Variants in REXO1 observed in about 807,000 individuals in gnomAD.
REXO1 encodes RNA exonuclease 1 homolog, also known as REX1, RNA exonuclease 1 homolog.
A neutral mutation model predicts 102.6 loss-of-function variants in REXO1; 42 were observed. The ratio of observed to expected loss-of-function variants is 0.41; its 90% CI spans 0.32 to 0.53. The LOEUF is 0.53. Ranked by LOEUF, REXO1 falls within the 20% of genes least tolerant of loss-of-function variation. The probability of loss-of-function intolerance (pLI) is 0.27; values close to 1 mark genes in which losing one functional copy is unlikely to be tolerated. For synonymous variants in REXO1, 908 were observed against 779.1 expected (o/e 1.17, Z -2.76); for missense variants, 1,819 against 1,732.5 (o/e 1.05, Z -0.89).
chr19:1,833,115 C>T (rs1395599661), intron 1 of REXO1, among the ~76,000 whole-genome samples: 1 of 152,044 alleles, frequency 6.6e-6, no homozygotes, highest in Non-Finnish European at 1.5e-5. Flanking sequence ...GTCCCAGCTA[C>T]TTGGAAGGCT....
At chr19:1,821,446 G>A (rs1025866545) in intron 5 of REXO1, 73 bp downstream of exon 5, 29 of 1,582,712 alleles carry the variant, frequency 1.8e-5, no homozygotes, top group Non-Finnish European at 1.9e-5. Flanking sequence ...CTGGCCCTCC[G>A]CAGGTCCCAT....
rs1208759463 is a variant in REXO1, at chr19:1,817,744, G to A, written c.3053C>T (p.Ser1018Leu). 34 of 1,612,428 alleles carry A rather than the reference G, an allele frequency of 2.1e-5. No individual in the cohort carries two copies. Among genetic ancestry groups the A allele is most frequent in the South Asian group, 3.3e-5 (3 of 90,990 alleles). The change falls in exon 11 of 16, where the codon TCG (serine) becomes TTG (leucine). Residue 1018 changes from serine (S) to leucine (L), a missense_variant. Transcript: ENST00000170168. The stretch of plus-strand genomic sequence containing the variant: ...GCAGCCGACAGAGCCGGCGGCAGCC[G>A]AGCAGCACATGTACTGGGTCTCCCA... ...GGWETQYMCC[S>L]AAAGSVGCQV...
In REXO1 at chr19:1,848,345, G is replaced by A; in HGVS notation, c.14C>T (p.Thr5Ile). ...GCAGTCAATGGCCCGGAAGAAGCCA[G>A]TGGAGCGTAGCATGGTCCGTCCCGC... is the stretch of plus-strand genomic sequence containing the variant. MLRS[T>I]GFFRAIDCPY... Residue 5 changes from threonine to isoleucine, a missense_variant, in exon 1 of 16, where the codon ACT (threonine) becomes ATT (isoleucine). Transcript: ENST00000170168. 4 of 1,222,602 alleles carry A rather than the reference G, an allele frequency of 3.3e-6. No homozygotes were observed. Among genetic ancestry groups the A allele is most frequent in the Non-Finnish European group, 4.1e-6 (4 of 974,930 alleles). The allele number at this position is 1,222,602 out of a possible 1,614,324, so 75.7% of individuals were successfully genotyped here.
At position 1,817,214 on chromosome 19, in the gene REXO1, C is replaced by T; in HGVS notation, c.3201+5G>A. 6.2e-7 allele frequency: 1 copy of T among 1,612,072 alleles called. No homozygotes were observed. The highest frequency in any genetic ancestry group is 8.5e-7 in the Non-Finnish European group (1 of 1,179,970). ...AACCCGACGCTGGGCAGAGAACAGC[C>T]TCACCATCTCGCAGTCCAGGGCGTA... On this transcript the variant is annotated splice_donor_5th_base_variant and intron_variant, in intron 12 of 15. Coordinates refer to ENST00000170168, the MANE Select transcript of REXO1 (RefSeq NM_020695.4).
chr19:1,823,368 G>A (rs1248967367), intron 4 of REXO1: 1 of 400,284 alleles, frequency 2.5e-6, no homozygotes, highest in Non-Finnish European at 4.4e-6. Flanking sequence ...GGTCAGGGAA[G>A]GAAGGTGCTG....
intron 1 of REXO1, among the ~76,000 whole-genome samples, chr19:1,842,449 A>C (rs2145332600): frequency 6.6e-6 from 1 of 152,402 alleles, no homozygotes; most frequent in Non-Finnish European, 1.5e-5. Flanking sequence ...CCCAAGGTGC[A>C]GAACCGCCCT....
intron 1 of REXO1, among the ~76,000 whole-genome samples, chr19:1,836,226 AC>A (rs2070033028): frequency 1.3e-5 from 2 of 152,134 alleles, no homozygotes; most frequent in Non-Finnish European, 2.9e-5. Context: ...CCAACCCCAC[AC>A]GGAGACTGAA....
In REXO1 at chr19:1,816,710, T is replaced by C; in HGVS notation, c.3305A>G (p.Asp1102Gly). The C allele has an allele frequency of 6.2e-7, 1 of 1,612,128 alleles. No homozygotes were observed. The highest frequency in any genetic ancestry group is 8.5e-7 in the Non-Finnish European group (1 of 1,179,678). Residue 1102 changes from aspartate to glycine, a missense_variant, in exon 13 of 16, where the codon GAC becomes GGC. Physicochemically the swap from Asp to Gly is moderately conservative, Grantham distance 94 (BLOSUM62 -1). Transcript: ENST00000170168. ...TFVKPDNEIV[D>G]YNTRFSGVTE... The stretch of plus-strand genomic sequence containing the variant: ...GCACTGGCCACACCTGGTGTTGTAG[T>C]CCACGATCTCGTTGTCAGGCTTCAC...
chr19:1,836,575 G>A (rs984370942), intron 1 of REXO1, among the ~76,000 whole-genome samples: 2 of 152,008 alleles, frequency 1.3e-5, no homozygotes, highest in Non-Finnish European at 2.9e-5. Context: ...GTAAAACCCC[G>A]TCTCTACTAA....
intron 1 of REXO1, among the ~76,000 whole-genome samples, chr19:1,846,475 G>A (rs144583401): frequency 1.3e-5 from 2 of 152,344 alleles, no homozygotes; most frequent in Non-Finnish European, 2.9e-5. Flanking sequence ...GTAAGAGGCA[G>A]GCAGCTGCCT....
Position 1,828,066 on chromosome 19 carries a change from C to G in REXO1, c.723G>C (p.Ser241=). 1 of 1,613,184 alleles carries G rather than the reference C, an allele frequency of 6.2e-7. No individual in the cohort carries two copies. The highest frequency in any genetic ancestry group is 8.5e-7 in the Non-Finnish European group (1 of 1,179,834). Residue 241 remains serine, a synonymous_variant, in exon 2 of 16, where the codon TCG becomes TCC. Coordinates refer to ENST00000170168, the MANE Select transcript of REXO1 (RefSeq NM_020695.4). ...AGCTGGCCCTGCTGAGGTGCCGGGC[C>G]GAGTAGTTGGAGAGAGGGTCATACT... ...DLEYDPLSNY[S]ARHLSRASSR...
At position 1,826,371 on chromosome 19, in the gene REXO1, CCACGCTGGGA is replaced by C. The variant is rs1398815190; in HGVS notation, c.1912-438_1912-429del. On this transcript the variant is annotated intron_variant, in intron 2 of 15. Transcript: ENST00000170168. This position sits in a 1 kb window ranked among gnomAD's most constrained non-coding sequence, Gnocchi z 4.3. ...GCTGGCCCAGGAGAGCAAGAGCTCG[CCACGCTGGGA>C]GTAGGGAGGAGGGAGGGGAGGAGAA... Among the ~76,000 whole-genome samples the C allele has an allele frequency of 6.6e-6, 1 of 150,922 alleles. No individual in the cohort carries two copies. Among genetic ancestry groups the C allele is most frequent in the African/African-American group, 2.5e-5 (1 of 40,544 alleles).
intron 1 of REXO1, among the ~76,000 whole-genome samples, chr19:1,840,740 C>G (rs909643835): frequency 6.6e-6 from 1 of 152,100 alleles, no homozygotes; most frequent in Non-Finnish European, 1.5e-5. Flanking sequence ...CCGGGCCCAC[C>G]CCACATCACC....
Position 1,827,522 on chromosome 19 carries a change from G to C in REXO1, c.1267C>G (p.Pro423Ala), listed in dbSNP as rs1167494280. The C allele has an allele frequency of 6.3e-7, 1 of 1,583,904 alleles. No individual in the cohort carries two copies. Among genetic ancestry groups the C allele is most frequent in the African/African-American group, 1.4e-5 (1 of 72,800 alleles). The change falls in exon 2 of 16, where the codon CCC becomes GCC. Residue 423 changes from proline (P) to alanine (A), a missense_variant. By Grantham distance (27) the Pro-to-Ala change is conservative. Coordinates refer to ENST00000170168, the MANE Select transcript of REXO1 (RefSeq NM_020695.4). Reference protein sequence around the residue: ...ADKKGPQASSPRRKAERPEGT... With the variant: ...ADKKGPQASSARRKAERPEGT... Reference sequence around the variant, plus strand: ...TCCGGCCGCTCTGCCTTGCGCCGGGGGCTGCTGGCCTGCGGGCCCTTCTTG... The same window carrying C: ...TCCGGCCGCTCTGCCTTGCGCCGGGCGCTGCTGGCCTGCGGGCCCTTCTTG...
rs1309186021 is a variant in REXO1, at chr19:1,826,492, G to T, written c.1911+386C>A. Among the ~76,000 whole-genome samples, 1 of 148,830 alleles carries T rather than the reference G, an allele frequency of 6.7e-6. No homozygotes were observed. Among genetic ancestry groups the T allele is most frequent in the Non-Finnish European group, 1.5e-5 (1 of 67,136 alleles). ...GACAGAGATGGGGGAAGGGAGGAGG[G>T]GAGAAGAGAGGGGGAAGGGAGGAAA... is the stretch of plus-strand genomic sequence containing the variant. On this transcript the variant is annotated intron_variant, in intron 2 of 15. Transcript: ENST00000170168. This position sits in a 1 kb window ranked among gnomAD's most constrained non-coding sequence, Gnocchi z 4.3.
chr19:1,837,217 C>T (rs559844510), intron 1 of REXO1, among the ~76,000 whole-genome samples: 68 of 152,346 alleles, frequency 4.5e-4, no homozygotes, highest in African/African-American at 1.6e-3. Context: ...CTGAAGTCCA[C>T]CTCCTGCGGA....
At chr19:1,831,618 G>A (rs1444494966) in intron 1 of REXO1, among the ~76,000 whole-genome samples, 6 of 151,648 alleles carry the variant, frequency 4.0e-5, no homozygotes, top group Non-Finnish European at 5.9e-5. Flanking sequence ...TGAGGCGGGC[G>A]GATCACCTGA....
chr19:1,848,416 C>A lies in REXO1; in HGVS notation c.-58G>T, dbSNP rs2011663806. 1 of 1,141,980 alleles carries A rather than the reference C, an allele frequency of 8.8e-7. No homozygotes were observed. Among genetic ancestry groups the A allele is most frequent in the Non-Finnish European group, 1.1e-6 (1 of 926,272 alleles). 70.7% of individuals were successfully genotyped at this position (1,141,980 alleles called of 1,614,324 possible). ...CCGCCCGGGCCCCAGGGCCCCCTCACTGGCGCCGCGGTCGCCGCCGCCCGC... is the reference window on the plus strand; with the variant it reads ...CCGCCCGGGCCCCAGGGCCCCCTCAATGGCGCCGCGGTCGCCGCCGCCCGC... On this transcript the variant is annotated 5_prime_UTR_variant, in exon 1 of 16. Coordinates refer to ENST00000170168, the MANE Select transcript of REXO1 (RefSeq NM_020695.4).
intron 1 of REXO1, 111 bp from the exon 2 acceptor site, chr19:1,828,742 C>A: frequency 2.2e-6 from 3 of 1,351,366 alleles, no homozygotes; most frequent in Non-Finnish European, 3.0e-6. Flanking sequence ...GCCTCCGAAA[C>A]CCACCACGCA....
Sources: allele counts gnomAD v4.1 joint callset (sites outside exome capture counted in the v4.1 genomes callset), GRCh38; gene constraint gnomAD v4.1.1; non-coding constraint Gnocchi (gnomAD v3.1); transcripts MANE v1.5; gene names NCBI Gene and HGNC (gene_info 2026-07-23, HGNC 2026-07-21).